The following LATS1 variants were observed in gnomAD, a reference collection of about 807,000 sequenced individuals.
The protein encoded by LATS1 is large tumor suppressor kinase 1, also known as serine/threonine-protein kinase LATS1.
LATS1 carries 25 observed loss-of-function variants against 106.6 expected under a neutral mutation model. The ratio of observed to expected loss-of-function variants is 0.23; its 90% confidence interval spans 0.17 to 0.33. The LOEUF (loss-of-function observed/expected upper bound fraction) is 0.33. Among genes scored for constraint, LATS1 ranks in the 10% least tolerant of loss-of-function variants. The probability of loss-of-function intolerance (pLI) is 1.00; values close to 1 mark genes in which losing one functional copy is unlikely to be tolerated. For synonymous variants in LATS1, 465 were observed against 455.6 expected (o/e 1.02, Z -0.26); for missense variants, 1,040 against 1,382.6 (o/e 0.75, Z 3.93).
At chr6:149,675,373 A>C (rs1295033839) in intron 7 of LATS1, among the ~76,000 whole-genome samples, 1 of 152,204 alleles carries the variant, frequency 6.6e-6, no homozygotes, top group Admixed American at 6.5e-5. Context: ...CAATCACTAA[A>C]GAGTATTAAA....
Position 149,683,575 on chromosome 6 carries a change from T to G in LATS1, c.1514A>C (p.Lys505Thr). Residue 505 changes from lysine to threonine, a missense_variant, in exon 4 of 8, where the codon AAA becomes ACA. By Grantham distance (78) the Lys-to-Thr change is moderately conservative. Coordinates refer to ENST00000543571, the MANE Select transcript of LATS1 (RefSeq NM_004690.4). ...TGCTAAAGCAGTCTGTAGCTCTGGT[T>G]TTAATACACGCATACTTTTCACAGG... ...QQPVKSMRVL[K>T]PELQTALAPT... 1.2e-6 allele frequency: 2 copies of G among 1,614,226 alleles called. No homozygotes were observed. The highest frequency in any genetic ancestry group is 2.2e-5 in the South Asian group (2 of 91,082).
intron 4 of LATS1, among the ~76,000 whole-genome samples, chr6:149,680,774 C>A (rs1781996900): frequency 6.8e-6 from 1 of 147,406 alleles, no homozygotes. Flanking sequence ...TCTCAATGTG[C>A]AACAAACATC....
chr6:149,707,046 C>T (rs1053578088), intron 1 of LATS1, among the ~76,000 whole-genome samples: 16 of 125,214 alleles, frequency 1.3e-4, no homozygotes, highest in Non-Finnish European at 1.1e-4. Flanking sequence ...GATGGAGTCT[C>T]GCTCTGTTGC....
chr6:149,684,381 G>T lies in LATS1; in HGVS notation c.708C>A (p.Pro236=), dbSNP rs769042264. The change falls in exon 4 of 8, where the codon CCC becomes CCA. Residue 236 remains proline, a synonymous_variant. Transcript: ENST00000543571. ...AHPSNGQRVN[P]PPPPQVRSVT... is the part of the protein sequence containing the mutation. The stretch of plus-strand genomic sequence containing the variant: ...CACTCCTTACTTGAGGTGGTGGTGG[G>T]GGGTTCACTCTCTGTCCGTTGCTAG... The T allele has an allele frequency of 1.9e-6, 3 of 1,613,882 alleles. No homozygotes were observed. The highest frequency in any genetic ancestry group is 2.7e-5 in the African/African-American group (2 of 74,866).
chr6:149,710,815 A>G (rs555580118), intron 1 of LATS1, among the ~76,000 whole-genome samples: 1 of 152,340 alleles, frequency 6.6e-6, no homozygotes, highest in East Asian at 1.9e-4. Flanking sequence ...GGAAGTGAGT[A>G]TTGGCTGCTA....
At chr6:149,710,558 A>G (rs1784034410) in intron 1 of LATS1, among the ~76,000 whole-genome samples, 1 of 152,142 alleles carries the variant, frequency 6.6e-6, no homozygotes, top group Non-Finnish European at 1.5e-5. Flanking sequence ...TGGTACCTGG[A>G]AGTGAGGTGC....
At chr6:149,673,080 CCTTTTCTTTT>C (rs201814574) in intron 7 of LATS1, among the ~76,000 whole-genome samples, 7 of 146,158 alleles carry the variant, frequency 4.8e-5, no homozygotes, top group Admixed American at 3.5e-4. Context: ...TTTACTTCTT[CCTTTTCTTTT>C]CTTTTCTTTT....
chr6:149,677,024 A>C (rs1428357804), intron 5 of LATS1, among the ~76,000 whole-genome samples: 1 of 152,256 alleles, frequency 6.6e-6, no homozygotes, highest in Non-Finnish European at 1.5e-5. Context: ...AGAGTTTGTT[A>C]TTTAGCCCAC....
chr6:149,697,452 T>A (rs562993535), intron 2 of LATS1, among the ~76,000 whole-genome samples: 1 of 152,128 alleles, frequency 6.6e-6, no homozygotes, highest in African/African-American at 2.4e-5. Context: ...TTCATAAGAG[T>A]CCTAGGCTCT....
chr6:149,663,260 A>G (rs913289220), intron 7 of LATS1, among the ~76,000 whole-genome samples: 1 of 152,136 alleles, frequency 6.6e-6, no homozygotes, highest in African/African-American at 2.4e-5. Context: ...AGGTAGATGA[A>G]TTGCTTGAGC....
At chr6:149,685,213 G>C (rs1185654899) in intron 3 of LATS1, among the ~76,000 whole-genome samples, 1 of 151,822 alleles carries the variant, frequency 6.6e-6, no homozygotes, top group African/African-American at 2.4e-5. Context: ...ACTCCAGCCT[G>C]GGTGACAGTG....
chr6:149,685,877 C>T (rs147311744), intron 3 of LATS1, among the ~76,000 whole-genome samples: 5 of 149,666 alleles, frequency 3.3e-5, no homozygotes, highest in African/African-American at 9.8e-5. Flanking sequence ...GAAAAATATA[C>T]AAGATACACT....
At chr6:149,692,661 C>A (rs903318522) in intron 3 of LATS1, among the ~76,000 whole-genome samples, 1 of 151,032 alleles carries the variant, frequency 6.6e-6, no homozygotes, top group East Asian at 2.0e-4. Flanking sequence ...TAAATCAATT[C>A]TTTTTCTTTT....
At chr6:149,697,877 C>T (rs1783190631) in intron 2 of LATS1, among the ~76,000 whole-genome samples, 1 of 152,118 alleles carries the variant, frequency 6.6e-6, no homozygotes, top group South Asian at 2.1e-4. Context: ...CTGGCATTTA[C>T]AGGCGCCCAA....
chr6:149,690,314 A>C (rs1782668534), intron 3 of LATS1, among the ~76,000 whole-genome samples: 1 of 150,724 alleles, frequency 6.6e-6, no homozygotes, highest in Non-Finnish European at 1.5e-5. Context: ...CCCAGGTTCA[A>C]GTGATTCTCC....
At position 149,718,078 on chromosome 6, in the gene LATS1, G is replaced by A. The variant is rs1456260359; in HGVS notation, c.-370C>T. ...CCGCCGCCATTTTGCCTTCCACTCAGTGTCGCCGCCGCCGCACTCCGCTGC... is the reference window on the plus strand; with the variant it reads ...CCGCCGCCATTTTGCCTTCCACTCAATGTCGCCGCCGCCGCACTCCGCTGC... On this transcript the variant is annotated 5_prime_UTR_variant, in exon 1 of 8. Coordinates refer to ENST00000543571, the MANE Select transcript of LATS1 (RefSeq NM_004690.4). The A allele has an allele frequency of 9.8e-6, 3 of 305,370 alleles. No homozygotes were observed. Among genetic ancestry groups the A allele is most frequent in the African/African-American group, 4.8e-5 (2 of 41,642 alleles). The allele number at this position is 305,370 out of a possible 1,614,324, so 18.9% of individuals were successfully genotyped here.
intron 1 of LATS1, among the ~76,000 whole-genome samples, chr6:149,713,194 A>G (rs1784202121): frequency 6.6e-6 from 1 of 152,124 alleles, no homozygotes. Context: ...TCAAGGTCCA[A>G]TCTCCCCTCC....
chr6:149,670,055 C>T (rs538699974), intron 7 of LATS1, among the ~76,000 whole-genome samples: 9 of 150,466 alleles, frequency 6.0e-5, no homozygotes, highest in African/African-American at 1.7e-4. Flanking sequence ...ACCTGTAATC[C>T]CAGCTACTCA....
rs1306776674 is a variant in LATS1, at chr6:149,692,847, T to C, written c.496+2227A>G. Among the ~76,000 whole-genome samples, 4 of 152,124 alleles carry C rather than the reference T, an allele frequency of 2.6e-5. No homozygotes were observed. In the East Asian group the frequency reaches 7.8e-4, roughly 30 times the overall value. On this transcript the variant is annotated intron_variant, in intron 3 of 7. Transcript: ENST00000543571. ...GCGCCACCACACCCAGCTAATTTTG[T>C]ATTTTTAGTAGAGACGAGGTTTCTT...
Sources: allele counts gnomAD v4.1 joint callset (sites outside exome capture counted in the v4.1 genomes callset), GRCh38; gene constraint gnomAD v4.1.1; transcripts MANE v1.5; gene names NCBI Gene and HGNC (gene_info 2026-07-23, HGNC 2026-07-21).